BRAP: variants seen among roughly 807,000 people sequenced by gnomAD.
The protein encoded by BRAP is BRCA1-associated protein.
BRAP carries 42 observed loss-of-function variants against 73.4 expected under a neutral mutation model. That is an observed-to-expected ratio of 0.57 (90% CI 0.45 to 0.74). BRAP has a LOEUF of 0.74. Ranked by LOEUF, BRAP falls within the 30% of genes least tolerant of loss-of-function variation. BRAP has a pLI of 0.00. For synonymous variants in BRAP, 255 were observed against 267.4 expected (o/e 0.95, Z 0.45); for missense variants, 593 against 751.4 (o/e 0.79, Z 2.46).
rs1342276516 is a variant in BRAP at position 111,681,614 on chromosome 12, C to T, written c.443+23G>A. 7.7e-6 allele frequency: 12 copies of T among 1,549,040 alleles called. No homozygotes were observed. In the Admixed American group the frequency reaches 2.3e-4, roughly 30 times the overall value. ...AAAAAAAAAAAAAATTGACTAACCC[C>T]CAAGAAAAGAGGGTTTTCTTACTTT... On this transcript the variant is annotated intron_variant, in intron 3 of 11. Transcript: ENST00000419234.
intron 10 of BRAP, among the ~76,000 whole-genome samples, chr12:111,650,466 A>G (rs889560651): frequency 5.9e-5 from 9 of 152,126 alleles, no homozygotes; most frequent in Non-Finnish European, 1.3e-4. Flanking sequence ...GGGTTTCATC[A>G]TGTTGGCCAG....
chr12:111,680,726 A>G (rs906112761), intron 3 of BRAP, among the ~76,000 whole-genome samples: 3 of 151,788 alleles, frequency 2.0e-5, no homozygotes, highest in Non-Finnish European at 4.4e-5. Flanking sequence ...AACAAAAAAC[A>G]AAACAAAAAA....
intron 10 of BRAP, among the ~76,000 whole-genome samples, chr12:111,651,363 G>A (rs968434866): frequency 6.6e-6 from 1 of 151,774 alleles, no homozygotes; most frequent in Non-Finnish European, 1.5e-5. Flanking sequence ...GATGGCGAAA[G>A]CCCGTCTCTA....
At chr12:111,679,899 A>C (rs916113458) in intron 3 of BRAP, among the ~76,000 whole-genome samples, 5 of 127,586 alleles carry the variant, frequency 3.9e-5, no homozygotes, top group Non-Finnish European at 6.6e-5. Flanking sequence ...AAAAAAAAAA[A>C]TCTGTCACTG....
At chr12:111,654,756 C>G (rs1476484103) in intron 10 of BRAP, among the ~76,000 whole-genome samples, 2 of 152,206 alleles carry the variant, frequency 1.3e-5, no homozygotes, top group Non-Finnish European at 2.9e-5. Flanking sequence ...AAGCCCAGCT[C>G]TGTACTGCCT....
intron 10 of BRAP, among the ~76,000 whole-genome samples, chr12:111,651,892 T>C (rs979582561): frequency 4.6e-5 from 7 of 152,056 alleles, no homozygotes; most frequent in Non-Finnish European, 8.8e-5. Flanking sequence ...CGCCTCGGCC[T>C]CCCAAAGTGC....
chr12:111,681,863 A>T, intron 2 of BRAP, 28 bp from the exon 3 acceptor site: 1 of 1,581,398 alleles, frequency 6.3e-7, no homozygotes, highest in East Asian at 2.2e-5. Flanking sequence ...ATAGCAGATT[A>T]TAAATGGATA....
At chr12:111,649,845 T>C in intron 11 of BRAP, 94 bp downstream of exon 11, 1 of 860,390 alleles carries the variant, frequency 1.2e-6, no homozygotes, top group South Asian at 1.7e-5. Context: ...AACCTGGTGA[T>C]ACATATATTT....
intron 1 of BRAP, among the ~76,000 whole-genome samples, chr12:111,684,053 A>G (rs1887700842): frequency 6.6e-6 from 1 of 152,216 alleles, no homozygotes; most frequent in South Asian, 2.1e-4. Context: ...TCATGCCATG[A>G]ACCAAGCCAT....
At chr12:111,654,255 A>G (rs1216823308) in intron 10 of BRAP, among the ~76,000 whole-genome samples, 2 of 152,138 alleles carry the variant, frequency 1.3e-5, no homozygotes, top group East Asian at 3.9e-4. Context: ...ACATGCATTG[A>G]TTAGAAGGCT....
intron 3 of BRAP, among the ~76,000 whole-genome samples, chr12:111,680,165 C>T (rs1366904197): frequency 1.3e-5 from 2 of 151,564 alleles, no homozygotes; most frequent in Admixed American, 6.6e-5. Context: ...CTATGTTGGC[C>T]AGGCTGGTTT....
At chr12:111,652,262 C>T (rs1191714451) in intron 10 of BRAP, among the ~76,000 whole-genome samples, 3 of 152,096 alleles carry the variant, frequency 2.0e-5, no homozygotes, top group African/African-American at 7.2e-5. Context: ...CTCACTCTGT[C>T]GCCCAGGCTG....
chr12:111,659,847 A>G (rs1886677397), intron 7 of BRAP, among the ~76,000 whole-genome samples: 1 of 151,836 alleles, frequency 6.6e-6, no homozygotes, highest in African/African-American at 2.4e-5. Context: ...CAAGACCCCA[A>G]CTCTACAAAA....
intron 10 of BRAP, among the ~76,000 whole-genome samples, chr12:111,650,794 T>C (rs1260363133): frequency 2.6e-5 from 4 of 152,238 alleles, no homozygotes; most frequent in South Asian, 4.1e-4. Context: ...ATTTTTTTCA[T>C]GTATCATGAA....
chr12:111,685,846 C>T lies in BRAP; in HGVS notation c.-54G>A. ...GGCGGGCTCAGGCGAGGCTGGAAGG[C>T]GAGCCGAGAGGCCGAGCGGCCCGGG... On this transcript the variant is annotated 5_prime_UTR_variant, in exon 1 of 12. Transcript: ENST00000419234. The T allele has an allele frequency of 1.5e-6, 2 of 1,340,730 alleles. No homozygotes were observed. Among genetic ancestry groups the T allele is most frequent in the Non-Finnish European group, 9.7e-7 (1 of 1,032,304 alleles). 83.1% of individuals were successfully genotyped at this position (1,340,730 alleles called of 1,614,324 possible).
intron 5 of BRAP, among the ~76,000 whole-genome samples, chr12:111,666,147 T>C (rs978855478): frequency 6.6e-6 from 1 of 152,238 alleles, no homozygotes; most frequent in African/African-American, 2.4e-5. Context: ...AGGGATGGAG[T>C]ACCTCCTGTG....
chr12:111,644,945 T>C (rs747459717), intron 11 of BRAP, among the ~76,000 whole-genome samples: 25 of 151,374 alleles, frequency 1.7e-4, no homozygotes, highest in South Asian at 4.2e-4. Context: ...TGAGTAGATA[T>C]TGGGGTTCGG....
intron 5 of BRAP, among the ~76,000 whole-genome samples, chr12:111,666,727 C>T (rs1415767229): frequency 6.6e-6 from 1 of 152,076 alleles, no homozygotes; most frequent in South Asian, 2.1e-4. Context: ...AGCCAGAAGA[C>T]GAGAAAGAAT....
intron 9 of BRAP, 71 bp from the exon 10 acceptor site, chr12:111,655,726 C>T (rs1051537462): frequency 3.9e-6 from 5 of 1,275,096 alleles, no homozygotes; most frequent in Admixed American, 1.7e-5. Context: ...ATTTAAAAAT[C>T]TGATATTTAA....
Sources: allele counts gnomAD v4.1 joint callset (sites outside exome capture counted in the v4.1 genomes callset), GRCh38; gene constraint gnomAD v4.1.1; transcripts MANE v1.5; gene names NCBI Gene and HGNC (gene_info 2026-07-23, HGNC 2026-07-21).